The following SLC47A1 variants were observed in gnomAD, a reference collection of about 807,000 sequenced individuals.
SLC47A1 encodes solute carrier family 47 member 1.
SLC47A1 carries 58 observed loss-of-function variants against 65.8 expected under a neutral mutation model. The ratio of observed to expected loss-of-function variants is 0.88; its 90% confidence interval spans 0.71 to 1.10. The LOEUF (loss-of-function observed/expected upper bound fraction) is 1.10, where lower values mean the gene tolerates loss of function less well. Ranked by LOEUF, SLC47A1 falls within the 50% of genes least tolerant of loss-of-function variation. The probability of loss-of-function intolerance (pLI) is 0.00; values close to 1 mark genes in which losing one functional copy is unlikely to be tolerated. For synonymous variants in SLC47A1, 285 were observed against 295.0 expected (o/e 0.97, Z 0.35); for missense variants, 706 against 719.2 (o/e 0.98, Z 0.21).
rs1479387747 is a variant in SLC47A1, at chr17:19,533,982, G to A, written c.43G>A (p.Glu15Lys). The A allele has an allele frequency of 1.3e-6, 2 of 1,540,612 alleles. No homozygotes were observed. The highest frequency in any genetic ancestry group is 2.0e-5 in the Admixed American group (1 of 50,772). ...GCCCGCGCCAGTGCGCGGAGGCCCG[G>A]AGGCCACCCTTGAGGTCCGTGGGTC... ...EEPAPVRGGPEATLEVRGSRC... is the reference protein window; with the variant it reads ...EEPAPVRGGPKATLEVRGSRC... Residue 15 changes from glutamate (E) to lysine (K), a missense_variant, in exon 1 of 17, where the codon GAG becomes AAG. Transcript: ENST00000270570.
Position 19,555,786 on chromosome 17 carries a change from C to T in SLC47A1, c.740-10C>T. The T allele has an allele frequency of 6.2e-7, 1 of 1,612,920 alleles. No homozygotes were observed. Among genetic ancestry groups the T allele is most frequent in the Non-Finnish European group, 8.5e-7 (1 of 1,179,566 alleles). On this transcript the variant is annotated splice_polypyrimidine_tract_variant and intron_variant, in intron 8 of 16. Transcript: ENST00000270570. Reference sequence around the variant, plus strand: ...CAGATCTCCTGGAAATGTGTGTGTCCCCCCCACAGGCTGGTCCCTCGAGTG... The same window carrying T: ...CAGATCTCCTGGAAATGTGTGTGTCTCCCCCACAGGCTGGTCCCTCGAGTG...
chr17:19,538,059 C>A (rs1288132725), intron 1 of SLC47A1, among the ~76,000 whole-genome samples: 1 of 152,210 alleles, frequency 6.6e-6, no homozygotes, highest in Non-Finnish European at 1.5e-5. Flanking sequence ...CACAGATGCT[C>A]CTTGGCTTAC....
At chr17:19,550,702 G>C (rs1916424283) in intron 5 of SLC47A1, among the ~76,000 whole-genome samples, 1 of 152,180 alleles carries the variant, frequency 6.6e-6, no homozygotes, top group Non-Finnish European at 1.5e-5. Context: ...ACACTAGGGA[G>C]CTTAAACAAC....
intron 6 of SLC47A1, among the ~76,000 whole-genome samples, chr17:19,553,149 C>T (rs1413115672): frequency 6.6e-6 from 1 of 151,910 alleles, no homozygotes; most frequent in African/African-American, 2.4e-5. Context: ...CAAAGAGAAG[C>T]AGCTGGGAGT....
chr17:19,545,280 C>T (rs1056222359), intron 2 of SLC47A1, among the ~76,000 whole-genome samples: 7 of 150,618 alleles, frequency 4.6e-5, no homozygotes, highest in African/African-American at 7.3e-5. Flanking sequence ...CTGCAACTTC[C>T]GCTTCCCGGG....
At chr17:19,549,046 G>A (rs562424126) in intron 4 of SLC47A1, among the ~76,000 whole-genome samples, 191 of 152,218 alleles carry the variant, frequency 1.3e-3, no homozygotes, top group Non-Finnish European at 2.1e-3. Flanking sequence ...TGCAGTGCTC[G>A]GGACAGCACC....
chr17:19,560,288 T>TGA lies in SLC47A1; in HGVS notation c.1023_1024dup (p.Ile342ArgfsTer8). On this transcript the variant is annotated frameshift_variant, in exon 11 of 17. Transcript: ENST00000270570. LOFTEE classifies it high-confidence loss of function. ...CGGAAGTCCTCTACCGTTTCCCTGC[T>TGA]GATTACAGGTGCTGAGACCCCTTTA... 6.2e-7 allele frequency: 1 copy of TGA among 1,613,642 alleles called. No individual in the cohort carries two copies. The highest frequency in any genetic ancestry group is 8.5e-7 in the Non-Finnish European group (1 of 1,179,664).
At chr17:19,574,888 G>A (rs1205780722) in intron 16 of SLC47A1, among the ~76,000 whole-genome samples, 1 of 152,062 alleles carries the variant, frequency 6.6e-6, no homozygotes. Context: ...CGCCTGGCTC[G>A]GCCTCCCAAA....
At chr17:19,553,424 G>T (rs1916510557) in intron 6 of SLC47A1, among the ~76,000 whole-genome samples, 1 of 151,962 alleles carries the variant, frequency 6.6e-6, no homozygotes. Context: ...TGTCCTTTTT[G>T]TCCCTGTCAC....
chr17:19,541,599 T>G (rs1916150433), intron 1 of SLC47A1, among the ~76,000 whole-genome samples: 1 of 152,164 alleles, frequency 6.6e-6, no homozygotes, highest in Non-Finnish European at 1.5e-5. Context: ...CTGTAATGTT[T>G]CACCCTGAGA....
intron 1 of SLC47A1, chr17:19,534,567 C>T (rs751675896): frequency 6.6e-6 from 1 of 152,546 alleles, no homozygotes; most frequent in Non-Finnish European, 1.5e-5. Flanking sequence ...TCTAAATAAT[C>T]CCGAGGCACG....
At chr17:19,540,878 C>CACACACACACACACA (rs879334096) in intron 1 of SLC47A1, among the ~76,000 whole-genome samples, 171 of 127,174 alleles carry the variant, frequency 1.3e-3, no homozygotes, top group African/African-American at 5.8e-3. Flanking sequence ...ACACACACAC[C>CACACACACACACACA]CCTAGGGTTA....
rs146446026 is a variant in SLC47A1 at position 19,571,935 on chromosome 17, G to A, written c.1404+363G>A. On this transcript the variant is annotated intron_variant, in intron 15 of 16. Transcript: ENST00000270570. ...CTCCAAATGTTTTGTTAAGATACTTGTGTGCATCCTTCCCTTCAACTTTCT... is the reference window on the plus strand; with the variant it reads ...CTCCAAATGTTTTGTTAAGATACTTATGTGCATCCTTCCCTTCAACTTTCT... 3.7e-3 allele frequency among the ~76,000 whole-genome samples: 564 copies of A among 152,294 alleles called. 1 individual carries two copies. Among genetic ancestry groups the A allele is most frequent in the African/African-American group, 0.012 (485 of 41,576 alleles).
intron 6 of SLC47A1, among the ~76,000 whole-genome samples, chr17:19,553,314 G>C (rs889650679): frequency 6.6e-6 from 1 of 152,104 alleles, no homozygotes; most frequent in Non-Finnish European, 1.5e-5. Flanking sequence ...TGCAGGCTTG[G>C]CCACCTCTTC....
At chr17:19,540,232 C>T (rs577474630) in intron 1 of SLC47A1, among the ~76,000 whole-genome samples, 7 of 152,048 alleles carry the variant, frequency 4.6e-5, no homozygotes, top group South Asian at 4.2e-4. Flanking sequence ...CTCCAAAGGC[C>T]GGGCAGTAGG....
At chr17:19,545,437 C>T (rs960375965) in intron 2 of SLC47A1, among the ~76,000 whole-genome samples, 1 of 152,068 alleles carries the variant, frequency 6.6e-6, no homozygotes, top group African/African-American at 2.4e-5. Flanking sequence ...CGTGATCCGC[C>T]CACCTCGGCC....
chr17:19,546,645 C>A, intron 3 of SLC47A1, 142 bp downstream of exon 3: 1 of 737,200 alleles, frequency 1.4e-6, no homozygotes, highest in Non-Finnish European at 2.3e-6. Flanking sequence ...TCCTGGCCTG[C>A]TTTCTTTGAA....
At chr17:19,567,337 G>A (rs923734432) in intron 14 of SLC47A1, 109 bp downstream of exon 14, 9 of 1,476,866 alleles carry the variant, frequency 6.1e-6, no homozygotes, top group African/African-American at 5.5e-5. Flanking sequence ...TCGGGAGCTC[G>A]CCCACGTCCA....
In SLC47A1 at chr17:19,548,045, C is replaced by T. The variant is rs868221666; in HGVS notation, c.367C>T (p.Leu123=). Residue 123 remains leucine, a synonymous_variant, in exon 4 of 17, where the codon CTG becomes TTG. Coordinates refer to ENST00000270570, the MANE Select transcript of SLC47A1 (RefSeq NM_018242.3). The stretch of plus-strand genomic sequence containing the variant: ...GATCCTGCAGCGGAGTGCGCTCGTC[C>T]TGCTCCTCTGCTGCTTCCCCTGCTG... ...GVILQRSALV[L]LLCCFPCWAL... is the part of the protein sequence containing the mutation. 6.2e-7 allele frequency: 1 copy of T among 1,614,036 alleles called. No homozygotes were observed. Among genetic ancestry groups the T allele is most frequent in the African/African-American group, 1.3e-5 (1 of 74,942 alleles).
Sources: allele counts gnomAD v4.1 joint callset (sites outside exome capture counted in the v4.1 genomes callset), GRCh38; gene constraint gnomAD v4.1.1; transcripts MANE v1.5; gene names NCBI Gene and HGNC (gene_info 2026-07-23, HGNC 2026-07-21).